Variants in DLGAP2 observed in about 807,000 individuals in gnomAD.
The protein encoded by DLGAP2 is DLG associated protein 2.
Under a neutral mutation model 100.3 loss-of-function variants are expected in DLGAP2, and 26 were observed. The ratio of observed to expected loss-of-function variants is 0.26; its 90% CI spans 0.19 to 0.36. The LOEUF (loss-of-function observed/expected upper bound fraction) is 0.36. Ranked by LOEUF, DLGAP2 falls within the 10% of genes least tolerant of loss-of-function variation. The probability of loss-of-function intolerance (pLI) is 1.00; values close to 1 mark genes in which losing one functional copy is unlikely to be tolerated. For synonymous variants in DLGAP2, 886 were observed against 630.1 expected (o/e 1.41, Z -6.08); for missense variants, 1,858 against 1,453.2 (o/e 1.28, Z -4.53).
chr8:808,820 A>G (rs12544273), intron 1 of DLGAP2, among the ~76,000 whole-genome samples: 19,246 of 151,908 alleles, frequency 0.13, 1,402 homozygotes, highest in East Asian at 0.25. Flanking sequence ...TACTTGTGAA[A>G]TACTTGTTTA....
At chr8:1,370,792 G>C (rs1374790748) in intron 3 of DLGAP2, among the ~76,000 whole-genome samples, 3 of 152,168 alleles carry the variant, frequency 2.0e-5, no homozygotes, top group Non-Finnish European at 4.4e-5. Context: ...GCCTGGCCTG[G>C]GGCAAGTTCC....
chr8:1,639,149 A>G (rs2130790419), intron 8 of DLGAP2, among the ~76,000 whole-genome samples: 1 of 152,302 alleles, frequency 6.6e-6, no homozygotes, highest in Admixed American at 6.5e-5. Context: ...AGAGGTGTGG[A>G]GGTCGAGGCT....
intron 2 of DLGAP2, among the ~76,000 whole-genome samples, chr8:966,987 C>T (rs973133658): frequency 2.0e-5 from 3 of 152,212 alleles, no homozygotes; most frequent in African/African-American, 7.2e-5. Flanking sequence ...TGAGTGGCTG[C>T]GTGACATTGC....
intron 1 of DLGAP2, among the ~76,000 whole-genome samples, chr8:892,459 G>C (rs1798055340): frequency 6.6e-6 from 1 of 152,180 alleles, no homozygotes; most frequent in African/African-American, 2.4e-5. Context: ...GAAAGACCTT[G>C]CTGTGTGACT....
chr8:744,394 C>A (rs1460434700), intron 1 of DLGAP2, among the ~76,000 whole-genome samples: 1 of 152,212 alleles, frequency 6.6e-6, no homozygotes, highest in Non-Finnish European at 1.5e-5. Flanking sequence ...TGGGTCGCAT[C>A]TAATGATCTG....
In DLGAP2 at chr8:827,845, C is replaced by A. The variant is rs528960759; in HGVS notation, c.19-80067C>A. Among the ~76,000 whole-genome samples, 4 of 152,264 alleles carry A rather than the reference C, an allele frequency of 2.6e-5. No individual in the cohort carries two copies. In the South Asian group the frequency reaches 8.3e-4, roughly 32 times the overall value. ...ACCTGCCCCGATAATCACGTAGGTTCTTTTCTATTTTCCTAAGCGTCGGCT... is the reference window on the plus strand; with the variant it reads ...ACCTGCCCCGATAATCACGTAGGTTATTTTCTATTTTCCTAAGCGTCGGCT... On this transcript the variant is annotated intron_variant, in intron 1 of 14. Coordinates refer to ENST00000637795, the MANE Select transcript of DLGAP2 (RefSeq NM_001346810.2).
intron 1 of DLGAP2, among the ~76,000 whole-genome samples, chr8:867,602 G>T (rs769906956): frequency 6.6e-6 from 1 of 152,252 alleles, no homozygotes; most frequent in Non-Finnish European, 1.5e-5. Flanking sequence ...CATCTGAGAA[G>T]GCTGTGGATC....
At chr8:1,012,610 GC>G (rs1237635895) in intron 2 of DLGAP2, among the ~76,000 whole-genome samples, 1 of 89,220 alleles carries the variant, frequency 1.1e-5, no homozygotes, top group African/African-American at 4.8e-5. Context: ...CGTCTGACCG[GC>G]CCCCCCGACT....
intron 6 of DLGAP2, among the ~76,000 whole-genome samples, chr8:1,596,572 G>A (rs1796466072): frequency 6.6e-6 from 1 of 152,082 alleles, no homozygotes. Context: ...ATTCTAACTG[G>A]CATCAGATGG....
chr8:915,365 G>A (rs1798569087), intron 2 of DLGAP2, among the ~76,000 whole-genome samples: 1 of 152,236 alleles, frequency 6.6e-6, no homozygotes, highest in South Asian at 2.1e-4. Context: ...GGCTAACACG[G>A]TGAAACCCGG....
At chr8:1,250,969 C>T (rs774306232) in intron 2 of DLGAP2, among the ~76,000 whole-genome samples, 1 of 152,182 alleles carries the variant, frequency 6.6e-6, no homozygotes, top group Admixed American at 6.5e-5. Flanking sequence ...CGGTACGTGG[C>T]ACAGTGGTGA....
chr8:1,044,355 A>G (rs1239713751), intron 2 of DLGAP2, among the ~76,000 whole-genome samples: 1 of 152,226 alleles, frequency 6.6e-6, no homozygotes, highest in Non-Finnish European at 1.5e-5. Context: ...TTGCCTTGGC[A>G]AAGCCCTGTC....
At chr8:1,416,324 G>C (rs1231323395) in intron 3 of DLGAP2, among the ~76,000 whole-genome samples, 1 of 152,218 alleles carries the variant, frequency 6.6e-6, no homozygotes, top group East Asian at 1.9e-4. Context: ...CCCGTGGTCA[G>C]CCCAGGTGTC....
At chr8:1,326,543 T>G (rs1486541469) in intron 3 of DLGAP2, among the ~76,000 whole-genome samples, 1 of 151,670 alleles carries the variant, frequency 6.6e-6, no homozygotes, top group Non-Finnish European at 1.5e-5. Flanking sequence ...GTCCTGTCTT[T>G]CAGGACATGG....
intron 2 of DLGAP2, among the ~76,000 whole-genome samples, chr8:1,010,384 G>A (rs76107557): frequency 1.4e-5 from 2 of 146,554 alleles, no homozygotes; most frequent in African/African-American, 5.1e-5. Flanking sequence ...TGTGTGCACA[G>A]TCAGATATCA....
intron 1 of DLGAP2, among the ~76,000 whole-genome samples, chr8:835,129 A>T (rs1045078074): frequency 6.6e-6 from 1 of 152,200 alleles, no homozygotes; most frequent in African/African-American, 2.4e-5. Flanking sequence ...GGCTGCTTTC[A>T]TATGGATGGA....
chr8:1,333,407 CG>C (rs1348615857), intron 3 of DLGAP2, among the ~76,000 whole-genome samples: 1 of 152,124 alleles, frequency 6.6e-6, no homozygotes, highest in African/African-American at 2.4e-5. Flanking sequence ...TGTCCAGGGC[CG>C]TCTTCATTTA....
chr8:1,224,560 CTG>C (rs1254408056), intron 2 of DLGAP2, among the ~76,000 whole-genome samples: 1 of 151,972 alleles, frequency 6.6e-6, no homozygotes, highest in Non-Finnish European at 1.5e-5. Context: ...ATCAATGAAA[CTG>C]TAACTTTATT....
intron 1 of DLGAP2, among the ~76,000 whole-genome samples, chr8:749,613 T>C (rs1030819011): frequency 6.6e-6 from 1 of 152,250 alleles, no homozygotes; most frequent in African/African-American, 2.4e-5. Flanking sequence ...ACAAAAATGT[T>C]TGGCCATTGT....
Sources: allele counts gnomAD v4.1 joint callset (sites outside exome capture counted in the v4.1 genomes callset), GRCh38; gene constraint gnomAD v4.1.1; transcripts MANE v1.5; gene names NCBI Gene and HGNC (gene_info 2026-07-23, HGNC 2026-07-21).